Variants in KLF12 observed in about 807,000 individuals in gnomAD.
The protein encoded by KLF12 is KLF transcription factor 12.
Under a neutral mutation model 37.8 loss-of-function variants are expected in KLF12, and 9 were observed. The observed-to-expected ratio is 0.24, with a 90% CI of 0.14 to 0.42. The LOEUF (loss-of-function observed/expected upper bound fraction) is 0.42. Ranked by LOEUF, KLF12 falls within the 10% of genes least tolerant of loss-of-function variation. KLF12 has a pLI of 1.00. For synonymous variants in KLF12, 208 were observed against 202.1 expected (o/e 1.03, Z -0.25); for missense variants, 411 against 516.0 (o/e 0.80, Z 1.97).
At chr13:73,875,145 CTT>C (rs796894253) in intron 3 of KLF12, among the ~76,000 whole-genome samples, 161 of 83,010 alleles carry the variant, frequency 1.9e-3, no homozygotes, top group African/African-American at 7.0e-3. Context: ...AAAAAAAGAA[CTT>C]GAACAGATTT....
chr13:74,118,402 AGTTT>A (rs1270832841), intron 1 of KLF12, among the ~76,000 whole-genome samples: 1 of 152,234 alleles, frequency 6.6e-6, no homozygotes, highest in Non-Finnish European at 1.5e-5. Context: ...AACTTTGCAA[AGTTT>A]GTTACATTGT....
chr13:74,046,816 C>T (rs1012997900), intron 1 of KLF12, among the ~76,000 whole-genome samples: 5 of 152,278 alleles, frequency 3.3e-5, no homozygotes, highest in African/African-American at 9.6e-5. Flanking sequence ...GATATTACTA[C>T]TGTGTCCTAT....
rs571613270 is a variant in KLF12, at chr13:73,991,853, G to A, written c.33+3137C>T. Among the ~76,000 whole-genome samples, 11 of 152,324 alleles carry A rather than the reference G, an allele frequency of 7.2e-5. No individual in the cohort carries two copies. In the South Asian group the frequency reaches 1.9e-3, roughly 26 times the overall value. ...CTATTACAATCCCTCTATCCTGTGCGAAGAAAGAGCCTTGGAACTTGGAAA... is the reference window on the plus strand; with the variant it reads ...CTATTACAATCCCTCTATCCTGTGCAAAGAAAGAGCCTTGGAACTTGGAAA... On this transcript the variant is annotated intron_variant, in intron 2 of 7. Transcript: ENST00000377669.
chr13:73,992,477 T>C (rs1435148306), intron 2 of KLF12, among the ~76,000 whole-genome samples: 2 of 152,228 alleles, frequency 1.3e-5, no homozygotes, highest in Admixed American at 6.5e-5. Flanking sequence ...GTTTTTGTTT[T>C]TGTTTTTAAG....
At chr13:73,768,349 T>C (rs897852493) in intron 5 of KLF12, among the ~76,000 whole-genome samples, 1 of 152,178 alleles carries the variant, frequency 6.6e-6, no homozygotes, top group African/African-American at 2.4e-5. Flanking sequence ...CATGAAAGGA[T>C]GGGAAGTCAG....
chr13:73,954,953 G>A (rs1425192148), intron 2 of KLF12, among the ~76,000 whole-genome samples: 8 of 152,180 alleles, frequency 5.3e-5, no homozygotes, highest in African/African-American at 1.9e-4. Flanking sequence ...GTACAAGTTA[G>A]AATAGGACAT....
intron 2 of KLF12, among the ~76,000 whole-genome samples, chr13:73,981,696 A>C (rs894331595): frequency 1.3e-5 from 2 of 152,156 alleles, no homozygotes; most frequent in Non-Finnish European, 2.9e-5. Context: ...GTTGAATCCT[A>C]ATCTCCACTG....
chr13:73,851,178 C>T lies in KLF12; in HGVS notation c.124-4805G>A, dbSNP rs141359582. Reference sequence around the variant, plus strand: ...ACAAGCAAATGAGCAGAACTTCCTCCGGTTAGAACTAAAAATTCCAAACAG... The same window carrying T: ...ACAAGCAAATGAGCAGAACTTCCTCTGGTTAGAACTAAAAATTCCAAACAG... On this transcript the variant is annotated intron_variant, in intron 3 of 7. Coordinates refer to ENST00000377669, the MANE Select transcript of KLF12 (RefSeq NM_007249.5). Among the ~76,000 whole-genome samples, 86 of 152,234 alleles carry T rather than the reference C, an allele frequency of 5.6e-4. No individual in the cohort carries two copies. In the East Asian group the frequency reaches 9.6e-3, roughly 17 times the overall value.
At chr13:74,082,525 C>T (rs1874977369) in intron 1 of KLF12, among the ~76,000 whole-genome samples, 1 of 151,644 alleles carries the variant, frequency 6.6e-6, no homozygotes, top group Non-Finnish European at 1.5e-5. Flanking sequence ...CCTTTTTTTT[C>T]CAACCCCTCT....
rs571413003 is a variant in KLF12 at position 73,867,101 on chromosome 13, G to T, written c.124-20728C>A. Among the ~76,000 whole-genome samples, 16 of 152,008 alleles carry T rather than the reference G, an allele frequency of 1.1e-4. No homozygotes were observed. In the South Asian group the frequency reaches 2.9e-3, roughly 28 times the overall value. On this transcript the variant is annotated intron_variant, in intron 3 of 7. Coordinates refer to ENST00000377669, the MANE Select transcript of KLF12 (RefSeq NM_007249.5). Reference sequence around the variant, plus strand: ...GGGAATAAAAAGCATACAGTGTGATGGTATAATGTACAGTACTACATTCTG... The same window carrying T: ...GGGAATAAAAAGCATACAGTGTGATTGTATAATGTACAGTACTACATTCTG...
the KLF12 span, among the ~76,000 whole-genome samples, chr13:74,152,341 A>G: frequency 2.0e-5 from 3 of 152,218 alleles, no homozygotes; most frequent in Non-Finnish European, 4.4e-5. Flanking sequence ...CTTTCCAGGC[A>G]AAGTATGAAC....
chr13:73,808,866 A>G (rs1882783429), intron 5 of KLF12, among the ~76,000 whole-genome samples: 1 of 152,228 alleles, frequency 6.6e-6, no homozygotes, highest in South Asian at 2.1e-4. Flanking sequence ...TCAGAGGCCT[A>G]CAGCAGAAAG....
intron 6 of KLF12, among the ~76,000 whole-genome samples, chr13:73,721,035 G>A (rs867785694): frequency 5.3e-5 from 8 of 152,198 alleles, no homozygotes; most frequent in Non-Finnish European, 1.2e-4. Flanking sequence ...AAGGGCCACA[G>A]CTGAGGATAA....
intron 3 of KLF12, among the ~76,000 whole-genome samples, chr13:73,890,726 A>T (rs1887465586): frequency 6.6e-6 from 1 of 152,086 alleles, no homozygotes; most frequent in South Asian, 2.1e-4. Flanking sequence ...TAAAAAAAAA[A>T]AATAAAAGAT....
intron 2 of KLF12, among the ~76,000 whole-genome samples, chr13:73,994,252 G>A (rs546347479): frequency 3.9e-5 from 6 of 152,262 alleles, no homozygotes; most frequent in Non-Finnish European, 8.8e-5. Context: ...TTGTATTGCT[G>A]AGCAGCTACA....
intron 1 of KLF12, among the ~76,000 whole-genome samples, chr13:74,128,284 G>A (rs540305567): frequency 5.3e-5 from 8 of 152,226 alleles, no homozygotes; most frequent in South Asian, 4.1e-4. Context: ...ACCCACACTC[G>A]GAAATTCCTT....
intron 3 of KLF12, among the ~76,000 whole-genome samples, chr13:73,881,256 A>G (rs117467111): frequency 0.018 from 2,734 of 152,174 alleles, 101 homozygotes; most frequent in Admixed American, 0.088. Flanking sequence ...ATTAAAGCCT[A>G]TTTTTCTGTA....
chr13:73,873,168 A>G (rs955896989), intron 3 of KLF12, among the ~76,000 whole-genome samples: 10 of 152,064 alleles, frequency 6.6e-5, no homozygotes, highest in African/African-American at 1.9e-4. Context: ...TCGATGATCT[A>G]TTTGACCAGT....
intron 3 of KLF12, among the ~76,000 whole-genome samples, chr13:73,930,240 C>T (rs555095809): frequency 2.0e-5 from 3 of 152,112 alleles, no homozygotes; most frequent in Non-Finnish European, 4.4e-5. Context: ...AATGTTATAT[C>T]ATAAAAGCAT....
Sources: allele counts gnomAD v4.1 joint callset (sites outside exome capture counted in the v4.1 genomes callset), GRCh38; gene constraint gnomAD v4.1.1; transcripts MANE v1.5; gene names NCBI Gene and HGNC (gene_info 2026-07-23, HGNC 2026-07-21).